The following URB1 variants were observed in gnomAD, a reference collection of about 807,000 sequenced individuals.
URB1 encodes URB1 ribosome biogenesis factor, also known as nucleolar pre-ribosomal-associated protein 1.
In URB1, 197 loss-of-function variants were observed where a neutral mutation model predicts 242.3. The observed-to-expected ratio is 0.81, with a 90% confidence interval of 0.72 to 0.91. URB1 has a LOEUF of 0.91. Ranked by LOEUF, URB1 falls within the 40% of genes least tolerant of loss-of-function variation. The pLI, the probability that URB1 is intolerant of heterozygous loss-of-function variation, is 0.00. For synonymous variants in URB1, 1,153 were observed against 1,201.8 expected (o/e 0.96, Z 0.84); for missense variants, 2,721 against 2,860.5 (o/e 0.95, Z 1.11).
At chr21:32,354,226 G>T (rs531221750) in intron 17 of URB1, 123 bp from the exon 18 acceptor site, 544 of 1,104,314 alleles carry the variant, frequency 4.9e-4, no homozygotes, top group Middle Eastern at 6.4e-4. Context: ...CCTCTTGGGG[G>T]GAGCATTTAA....
Position 32,344,762 on chromosome 21 carries a change from G to C in URB1, c.4071-6C>G. On this transcript the variant is annotated splice_region_variant and splice_polypyrimidine_tract_variant and intron_variant, in intron 23 of 38. Transcript: ENST00000382751. ...TGGAGTCGGCCACGATCCACCTGCA[G>C]CAGGAGATGAGAGTCAGAGACAGAG... 3 of 1,549,460 alleles carry C rather than the reference G, an allele frequency of 1.9e-6. No homozygotes were observed. Among genetic ancestry groups the C allele is most frequent in the Non-Finnish European group, 2.6e-6 (3 of 1,146,298 alleles).
chr21:32,337,102 G>T lies in URB1; in HGVS notation c.4677C>A (p.Ile1559=). 6.4e-7 allele frequency: 1 copy of T among 1,551,860 alleles called. No homozygotes were observed. The highest frequency in any genetic ancestry group is 8.7e-7 in the Non-Finnish European group (1 of 1,147,022). ...RAYEQNKLSL[I]NFRVLLWGPA... The stretch of plus-strand genomic sequence containing the variant: ...TCTAGCCCAACACTCACCTGAAGTT[G>T]ATGAGGCTGAGCTTGTTCTGCTCAT... Residue 1559 remains isoleucine, a synonymous_variant, in exon 28 of 39, where the codon ATC becomes ATA. Coordinates refer to ENST00000382751, the MANE Select transcript of URB1 (RefSeq NM_014825.3).
chr21:32,345,725 G>A lies in URB1; in HGVS notation c.3869-150C>T, dbSNP rs8126639. On this transcript the variant is annotated intron_variant, in intron 22 of 38. Transcript: ENST00000382751. ...TGGCCTGAAATTGGTCACGGCAGGA[G>A]TACTGACACCATGGAAACTGGCACA... 2.7e-3 allele frequency: 2,021 copies of A among 742,692 alleles called. 24 individuals are homozygous for A. In the African/African-American group the frequency reaches 0.029, roughly 11 times the overall value. 46.0% of individuals were successfully genotyped at this position (742,692 alleles called of 1,614,324 possible).
intron 32 of URB1, among the ~76,000 whole-genome samples, chr21:32,324,236 A>C (rs1238513511): frequency 6.6e-6 from 1 of 152,232 alleles, no homozygotes; most frequent in Non-Finnish European, 1.5e-5. Context: ...ACTGTTCTGC[A>C]CTTTGCTTTG....
intron 5 of URB1, chr21:32,377,407 A>C: frequency 2.2e-6 from 1 of 462,296 alleles, no homozygotes; most frequent in Non-Finnish European, 4.1e-6. Context: ...CCCCTTCAAC[A>C]GTGTAAATGG....
intron 10 of URB1, among the ~76,000 whole-genome samples, chr21:32,363,773 C>T (rs889715716): frequency 3.3e-5 from 5 of 152,100 alleles, no homozygotes; most frequent in South Asian, 4.2e-4. Flanking sequence ...GCAATCCTCC[C>T]GCCTCATCCT....
intron 7 of URB1, 55 bp downstream of exon 7, chr21:32,373,592 C>A: frequency 6.6e-7 from 1 of 1,506,250 alleles, no homozygotes; most frequent in Non-Finnish European, 8.9e-7. Context: ...CCTCTCCCAA[C>A]CCTGAGGATC....
intron 11 of URB1, 141 bp downstream of exon 11, chr21:32,363,015 C>T: frequency 1.9e-6 from 2 of 1,063,968 alleles, no homozygotes; most frequent in Non-Finnish European, 2.6e-6. Context: ...CCTCAGCACC[C>T]ACGCTACCAC....
Position 32,316,559 on chromosome 21 carries a change from C to G in URB1, c.6541G>C (p.Val2181Leu), listed in dbSNP as rs184986771. 7.2e-5 allele frequency: 111 copies of G among 1,551,340 alleles called. No individual in the cohort carries two copies. The African/African-American group carries it at 1.3e-3, about 19-fold the overall frequency. Residue 2181 changes from valine (V) to leucine (L), a missense_variant, in exon 38 of 39, where the codon GTG becomes CTG. Val to Leu is a conservative substitution (Grantham distance 32). Transcript: ENST00000382751. ...CLFNTVMLQL[V>L]AAQGRAGSPF... ...CTCCCTGCCCGGCCCTGGGCAGCCA[C>G]CAGCTGCAGCATGACCGTATTGAAC...
Position 32,334,171 on chromosome 21 carries a change from G to A in URB1, c.4849C>T (p.Pro1617Ser), listed in dbSNP as rs2032927962. 13 of 1,545,306 alleles carry A rather than the reference G, an allele frequency of 8.4e-6. No individual in the cohort carries two copies. The highest frequency in any genetic ancestry group is 1.1e-5 in the Non-Finnish European group (13 of 1,142,338). The change falls in exon 29 of 39, where the codon CCC becomes TCC. Residue 1617 changes from proline (P) to serine (S), a missense_variant. Coordinates refer to ENST00000382751, the MANE Select transcript of URB1 (RefSeq NM_014825.3). ...AACAGCAGCAGCCCAACCTCGGGGG[G>A]CAGCAGCCTCCGGTTCTGGGGGAAG... ...LHFPQNRRLLPPEDTQELIFK... is the reference protein window; with the variant it reads ...LHFPQNRRLLSPEDTQELIFK...
intron 22 of URB1, among the ~76,000 whole-genome samples, chr21:32,346,376 G>A (rs1254889959): frequency 1.3e-5 from 2 of 152,196 alleles, no homozygotes; most frequent in Non-Finnish European, 2.9e-5. Context: ...GCAGGGCACT[G>A]TCTTACTTTT....
At position 32,354,956 on chromosome 21, in the gene URB1, G is replaced by A; in HGVS notation, c.2148C>T (p.Asp716=). ...TLVANPYSYT[D]KASDFVQEAS... is the part of the protein sequence containing the mutation. ...CTTCTTGGACAAAGTCAGATGCTTT[G>A]TCTGTGTATGAATAGGGATTCGCCA... Residue 716 remains aspartate, a synonymous_variant, in exon 17 of 39, where the codon GAC becomes GAT. Coordinates refer to ENST00000382751, the MANE Select transcript of URB1 (RefSeq NM_014825.3). 6.4e-7 allele frequency: 1 copy of A among 1,552,220 alleles called. No individual in the cohort carries two copies. The highest frequency in any genetic ancestry group is 8.7e-7 in the Non-Finnish European group (1 of 1,147,110).
intron 21 of URB1, among the ~76,000 whole-genome samples, chr21:32,348,159 T>C (rs2033115694): frequency 6.6e-6 from 1 of 152,180 alleles, no homozygotes; most frequent in Non-Finnish European, 1.5e-5. Flanking sequence ...AAGTGCTCTC[T>C]ATGGTCACTC....
At chr21:32,355,279 A>G (rs1258707112) in intron 16 of URB1, among the ~76,000 whole-genome samples, 170 bp downstream of exon 16, 2 of 152,196 alleles carry the variant, frequency 1.3e-5, no homozygotes, top group Admixed American at 6.5e-5. Context: ...ATATATACGT[A>G]TTTTACAGAT....
chr21:32,325,164 A>G, intron 31 of URB1, 65 bp downstream of exon 31: 2 of 1,488,722 alleles, frequency 1.3e-6, no homozygotes, highest in East Asian at 2.5e-5. Context: ...AACCGGGTGG[A>G]CAGCCAGCTC....
intron 4 of URB1, among the ~76,000 whole-genome samples, chr21:32,382,814 C>T (rs1427514269): frequency 1.3e-5 from 2 of 152,094 alleles, no homozygotes; most frequent in Non-Finnish European, 2.9e-5. Flanking sequence ...TGCCTGCTCC[C>T]CAAGAACCTT....
intron 30 of URB1, among the ~76,000 whole-genome samples, chr21:32,329,862 C>A (rs2032873358): frequency 6.6e-6 from 1 of 152,222 alleles, no homozygotes; most frequent in Non-Finnish European, 1.5e-5. Context: ...ACAAATGTAA[C>A]ATGGGATAGA....
chr21:32,353,823 T>C (rs1022048382), intron 18 of URB1, 110 bp downstream of exon 18: 12 of 1,335,560 alleles, frequency 9.0e-6, no homozygotes, highest in Admixed American at 5.3e-5. Flanking sequence ...TGACCTCCTA[T>C]TGCCCTGGAT....
At chr21:32,360,972 C>T in intron 13 of URB1, 35 bp downstream of exon 13, 1 of 1,453,594 alleles carries the variant, frequency 6.9e-7, no homozygotes, top group Non-Finnish European at 9.4e-7. Flanking sequence ...TTGGCAGCAA[C>T]AGTGGCGGCT....
Sources: gnomAD v4.1 joint callset for allele counts (sites outside exome capture counted in the v4.1 genomes callset) on GRCh38, gnomAD v4.1.1 for gene constraint, MANE v1.5 for transcripts, NCBI Gene and HGNC (gene_info 2026-07-23, HGNC 2026-07-21) for gene names.